The following NDST1 variants were observed in gnomAD, a reference collection of about 807,000 sequenced individuals.
The protein encoded by NDST1 is bifunctional heparan sulfate N-deacetylase/N-sulfotransferase 1.
In NDST1, 35 loss-of-function variants were observed where a neutral mutation model predicts 92.8. That is an observed-to-expected ratio of 0.38 (90% confidence interval 0.29 to 0.50). NDST1 has a LOEUF of 0.50. NDST1 is among the 20% of genes least tolerant of loss of function. The probability of loss-of-function intolerance (pLI) is 0.94; values close to 1 mark genes in which losing one functional copy is unlikely to be tolerated. For missense variants in NDST1, 822 were observed against 1,182.7 expected, an observed-to-expected ratio of 0.69 and a Z score of 4.47; for synonymous variants, 493 against 500.3, an observed-to-expected ratio of 0.99 and a Z score of 0.19.
In NDST1 at chr5:150,557,464, G is replaced by T. The variant is rs935337045; in HGVS notation, c.*4132G>T. 6.6e-6 allele frequency: 1 copy of T among 152,550 alleles called. No homozygotes were observed. Among genetic ancestry groups the T allele is most frequent in the Non-Finnish European group, 1.5e-5 (1 of 68,060 alleles). 9.4% of individuals were successfully genotyped at this position (152,550 alleles called of 1,614,324 possible). A position where few individuals can be genotyped will look rare whatever the true frequency, so the allele number is the denominator to read the frequency against. On this transcript the variant is annotated 3_prime_UTR_variant, in exon 15 of 15. Coordinates refer to ENST00000261797, the MANE Select transcript of NDST1 (RefSeq NM_001543.5). The surrounding 1 kb of genome is among the most constrained non-coding windows in gnomAD (Gnocchi z 4.7). ...TGGGGAACTGCCTCCCGCAAGCTGT[G>T]GTGTGAGAAGAGCCCTGGCTGGCAG...
At position 150,555,876 on chromosome 5, in the gene NDST1, C is replaced by T. The variant is rs1463348254; in HGVS notation, c.*2544C>T. On this transcript the variant is annotated 3_prime_UTR_variant, in exon 15 of 15. Coordinates refer to ENST00000261797, the MANE Select transcript of NDST1 (RefSeq NM_001543.5). Reference sequence around the variant, plus strand: ...TTTTTGCCTGGACCCTTCTGCAAGCCTGGAGACTGGACCTGCCACATGTTC... The same window carrying T: ...TTTTTGCCTGGACCCTTCTGCAAGCTTGGAGACTGGACCTGCCACATGTTC... 6.6e-6 allele frequency: 1 copy of T among 152,314 alleles called. No individual in the cohort carries two copies. Among genetic ancestry groups the T allele is most frequent in the Non-Finnish European group, 1.5e-5 (1 of 68,120 alleles). 9.4% of individuals were successfully genotyped at this position (152,314 alleles called of 1,614,324 possible). A position where few individuals can be genotyped will look rare whatever the true frequency, so the allele number is the denominator to read the frequency against.
intron 11 of NDST1, among the ~76,000 whole-genome samples, chr5:150,547,904 G>A (rs1202201222): frequency 2.6e-5 from 4 of 152,072 alleles, no homozygotes; most frequent in Admixed American, 6.6e-5. Flanking sequence ...AGCTGGTCTC[G>A]AACTCCTGAC....
chr5:150,498,433 G>A (rs1753089260), intron 1 of NDST1, among the ~76,000 whole-genome samples: 1 of 152,234 alleles, frequency 6.6e-6, no homozygotes, highest in South Asian at 2.1e-4. Context: ...GATCTTGTAA[G>A]TGTCTGATCC....
rs965837921 is a variant in NDST1, at chr5:150,535,612, A to T, written c.1252-88A>T. 8.6e-6 allele frequency: 13 copies of T among 1,513,860 alleles called. No individual in the cohort carries two copies. The East Asian group carries it at 2.0e-4, about 24-fold the overall frequency. 93.8% of individuals were successfully genotyped at this position (1,513,860 alleles called of 1,614,324 possible). On this transcript the variant is annotated intron_variant, in intron 5 of 14. Coordinates refer to ENST00000261797, the MANE Select transcript of NDST1 (RefSeq NM_001543.5). ...AGCAGCCATGCCGACCTAACCTCTG[A>T]TTTCTCTCTCCCATTCTACAAAGGG...
At chr5:150,539,132 T>G in intron 6 of NDST1, 96 bp from the exon 7 acceptor site, 1 of 1,033,976 alleles carries the variant, frequency 9.7e-7, no homozygotes, top group Non-Finnish European at 1.5e-6. Context: ...ACTGCCTTTC[T>G]GAGGAGCAGC....
chr5:150,552,518 C>T (rs887052864), intron 14 of NDST1: 7 of 168,408 alleles, frequency 4.2e-5, no homozygotes, highest in East Asian at 1.7e-4. Context: ...GACAGGGTCT[C>T]GTTCTGTTGC....
intron 1 of NDST1, among the ~76,000 whole-genome samples, chr5:150,500,106 C>G (rs1215876155): frequency 6.6e-6 from 1 of 152,222 alleles, no homozygotes; most frequent in African/African-American, 2.4e-5. Flanking sequence ...TAAGTATTCC[C>G]TGGGGCCTGC....
At chr5:150,544,144 T>C (rs1447505892) in intron 10 of NDST1, among the ~76,000 whole-genome samples, 1 of 152,272 alleles carries the variant, frequency 6.6e-6, no homozygotes, top group Non-Finnish European at 1.5e-5. Context: ...GATGAATTAT[T>C]GGAAGTCAAC....
At chr5:150,525,520 T>G (rs1046463848) in intron 2 of NDST1, among the ~76,000 whole-genome samples, 1 of 152,052 alleles carries the variant, frequency 6.6e-6, no homozygotes, top group Admixed American at 6.6e-5. Flanking sequence ...CAGCCTGGAG[T>G]TGGGGAGGTA....
chr5:150,538,910 G>T (rs1038743220), intron 6 of NDST1, among the ~76,000 whole-genome samples: 3 of 152,224 alleles, frequency 2.0e-5, no homozygotes, highest in Admixed American at 2.0e-4. Flanking sequence ...GAACATGTCT[G>T]GGATTGCTGC....
At chr5:150,513,107 G>A (rs951279906) in intron 1 of NDST1, among the ~76,000 whole-genome samples, 3 of 151,686 alleles carry the variant, frequency 2.0e-5, no homozygotes, top group African/African-American at 7.3e-5. Context: ...GAGGTAGGAG[G>A]ATCACTTGAG....
chr5:150,542,990 C>G lies in NDST1; in HGVS notation c.1970+19C>G. 6.2e-7 allele frequency: 1 copy of G among 1,613,684 alleles called. No individual in the cohort carries two copies. Among genetic ancestry groups the G allele is most frequent in the Non-Finnish European group, 8.5e-7 (1 of 1,179,660 alleles). ...TCGACTGGTGAGTTGGCCTTTCTGT[C>G]CACAGCGGGACGGGAAGGCCATCCT... is the stretch of plus-strand genomic sequence containing the variant. On this transcript the variant is annotated intron_variant, in intron 10 of 14. Coordinates refer to ENST00000261797, the MANE Select transcript of NDST1 (RefSeq NM_001543.5).
intron 5 of NDST1, chr5:150,535,442 T>C (rs1472834374): frequency 7.3e-6 from 7 of 965,004 alleles, no homozygotes; most frequent in Non-Finnish European, 2.5e-6. Context: ...CTTGAGTCCT[T>C]TGTGCTAGAG....
At chr5:150,527,783 C>T in intron 2 of NDST1, 21 bp from the exon 3 acceptor site, 1 of 1,612,430 alleles carries the variant, frequency 6.2e-7, no homozygotes. Context: ...TGTTCCCCTT[C>T]CTGCCCTCCA....
At chr5:150,510,059 T>TGTGGG (rs1478339526) in intron 1 of NDST1, among the ~76,000 whole-genome samples, 6 of 137,168 alleles carry the variant, frequency 4.4e-5, no homozygotes, top group Non-Finnish European at 9.5e-5. Context: ...GAACAGGGGC[T>TGTGGG]GTGGGGTGGG....
At chr5:150,530,824 T>C (rs928582700) in intron 3 of NDST1, among the ~76,000 whole-genome samples, 4 of 152,166 alleles carry the variant, frequency 2.6e-5, no homozygotes, top group African/African-American at 9.7e-5. Context: ...CCTCCCAAAG[T>C]GCTGGGTTTA....
intron 6 of NDST1, among the ~76,000 whole-genome samples, chr5:150,536,515 A>G (rs545116973): frequency 5.0e-4 from 76 of 151,534 alleles, no homozygotes; most frequent in Non-Finnish European, 9.3e-4. Flanking sequence ...CAAAAAAAAA[A>G]AAAATTTTTT....
intron 11 of NDST1, 48 bp from the exon 12 acceptor site, chr5:150,548,170 C>T (rs759758200): frequency 1.2e-6 from 2 of 1,612,592 alleles, no homozygotes; most frequent in South Asian, 2.2e-5. Flanking sequence ...CAGGCCACTT[C>T]CTTTGTGTCC....
At chr5:150,534,070 A>G (rs1161041946) in intron 4 of NDST1, among the ~76,000 whole-genome samples, 2 of 149,238 alleles carry the variant, frequency 1.3e-5, no homozygotes, top group East Asian at 4.0e-4. Context: ...GTGACAGAGT[A>G]AGACTCCATC....
Sources: gnomAD v4.1 joint callset for allele counts (sites outside exome capture counted in the v4.1 genomes callset) on GRCh38, gnomAD v4.1.1 for gene constraint, Gnocchi (gnomAD v3.1) non-coding constraint, MANE v1.5 for transcripts, NCBI Gene and HGNC (gene_info 2026-07-23, HGNC 2026-07-21) for gene names.